The following CACNA1E variants were observed in gnomAD, a reference collection of about 807,000 sequenced individuals.
The protein encoded by CACNA1E is calcium voltage-gated channel subunit alpha1 E, also known as voltage-dependent R-type calcium channel subunit alpha-1E.
In CACNA1E, 40 loss-of-function variants were observed where a neutral mutation model predicts 259.2. The observed-to-expected ratio is 0.15, with a 90% CI of 0.12 to 0.20. The LOEUF is 0.20. Ranked by LOEUF, CACNA1E falls within the 10% of genes least tolerant of loss-of-function variation. The probability of loss-of-function intolerance (pLI) is 1.00; values close to 1 mark genes in which losing one functional copy is unlikely to be tolerated. For synonymous variants in CACNA1E, 1,104 were observed against 1,138.5 expected (o/e 0.97, Z 0.61); for missense variants, 1,874 against 3,040.1 (o/e 0.62, Z 9.02).
rs147945110 is a variant in CACNA1E at position 181,503,183 on chromosome 1, T to C, written c.267-7294T>C. ...TCTGGGTTTTAGGCACAAGGTCTTA[T>C]GTCTTCGGCATTACTCGTCCCTCCA... On this transcript the variant is annotated intron_variant, in intron 1 of 47. Transcript: ENST00000367573. 2.6e-4 allele frequency among the ~76,000 whole-genome samples: 39 copies of C among 152,368 alleles called. 1 individual carries two copies. Among genetic ancestry groups the C allele is most frequent in the East Asian group, 2.1e-3 (11 of 5,186 alleles).
intron 1 of CACNA1E, among the ~76,000 whole-genome samples, chr1:181,388,761 C>T (rs1027799004): frequency 3.9e-5 from 6 of 151,976 alleles, no homozygotes; most frequent in Non-Finnish European, 8.8e-5. Flanking sequence ...TGTGGTGGTG[C>T]ATGCCTGTAA....
At chr1:181,525,715 A>T (rs1407861906) in intron 3 of CACNA1E, among the ~76,000 whole-genome samples, 4 of 152,234 alleles carry the variant, frequency 2.6e-5, no homozygotes, top group Non-Finnish European at 1.5e-5. Flanking sequence ...TTAGTTATGA[A>T]CTGTGTGCAA....
chr1:181,697,401 T>C (rs577505901), intron 7 of CACNA1E, among the ~76,000 whole-genome samples: 28 of 152,340 alleles, frequency 1.8e-4, no homozygotes, highest in African/African-American at 6.3e-4. Flanking sequence ...ATCAGGTATT[T>C]TGTAGTTTTG....
chr1:181,444,459 A>C (rs1660688807), intron 2 of CACNA1E, among the ~76,000 whole-genome samples: 1 of 152,192 alleles, frequency 6.6e-6, no homozygotes, highest in South Asian at 2.1e-4. Flanking sequence ...AGGGGACATT[A>C]AAATTTGAAT....
At chr1:181,447,460 G>A (rs1034614065) in intron 2 of CACNA1E, among the ~76,000 whole-genome samples, 1 of 151,710 alleles carries the variant, frequency 6.6e-6, no homozygotes, top group Non-Finnish European at 1.5e-5. Flanking sequence ...GAGCCCAGGA[G>A]TTCAAGGCTG....
At chr1:181,578,910 T>G (rs1651243420) in intron 4 of CACNA1E, among the ~76,000 whole-genome samples, 162 bp from the exon 5 acceptor site, 1 of 152,252 alleles carries the variant, frequency 6.6e-6, no homozygotes, top group Non-Finnish European at 1.5e-5. Flanking sequence ...CTAGCAGAGC[T>G]GGGCCTAATT....
At chr1:181,565,782 G>C (rs572455277) in intron 3 of CACNA1E, among the ~76,000 whole-genome samples, 3 of 152,236 alleles carry the variant, frequency 2.0e-5, no homozygotes, top group African/African-American at 7.2e-5. Context: ...GCCACTTTTG[G>C]GGGTGTGGCT....
At chr1:181,766,684 A>C in intron 35 of CACNA1E, 73 bp downstream of exon 35, 1 of 1,110,730 alleles carries the variant, frequency 9.0e-7, no homozygotes, top group Non-Finnish European at 1.4e-6. Flanking sequence ...CAACCTAAGC[A>C]TGCAAGACCT....
At chr1:181,384,534 C>T (rs1170413873) in intron 1 of CACNA1E, among the ~76,000 whole-genome samples, 1 of 152,156 alleles carries the variant, frequency 6.6e-6, no homozygotes, top group Admixed American at 6.5e-5. Flanking sequence ...CATCATAGCT[C>T]ACTGTGTGAC....
chr1:181,351,826 C>T (rs1288331642), intron 1 of CACNA1E, among the ~76,000 whole-genome samples: 3 of 152,212 alleles, frequency 2.0e-5, no homozygotes, highest in Non-Finnish European at 4.4e-5. Flanking sequence ...ATAATCTCTC[C>T]ATCTCAAGAT....
intron 2 of CACNA1E, among the ~76,000 whole-genome samples, chr1:181,427,527 T>C: frequency 8.0e-6 from 1 of 125,188 alleles, no homozygotes; most frequent in Non-Finnish European, 1.7e-5. Context: ...CCTCAACTCC[T>C]CCTCCATCTC....
At chr1:181,697,612 A>G (rs2102356693) in intron 7 of CACNA1E, among the ~76,000 whole-genome samples, 1 of 152,344 alleles carries the variant, frequency 6.6e-6, no homozygotes, top group East Asian at 1.9e-4. Flanking sequence ...GTGTGTTTAT[A>G]CTTTTGTAAA....
chr1:181,358,963 T>C (rs1653654849), intron 1 of CACNA1E, among the ~76,000 whole-genome samples: 1 of 152,224 alleles, frequency 6.6e-6, no homozygotes, highest in African/African-American at 2.4e-5. Context: ...CCAGAAGGTT[T>C]ATTTGGTGCA....
intron 6 of CACNA1E, among the ~76,000 whole-genome samples, chr1:181,598,806 C>T (rs79696802): frequency 0.029 from 4,441 of 152,158 alleles, 99 homozygotes; most frequent in Non-Finnish European, 0.048. Context: ...ATAATCTGTC[C>T]CTGGACTGCT....
rs570266913 is a variant in CACNA1E at position 181,601,868 on chromosome 1, G to T, written c.951+21092G>T. Among the ~76,000 whole-genome samples the T allele has an allele frequency of 3.9e-5, 6 of 152,270 alleles. No homozygotes were observed. In the South Asian group the frequency reaches 1.0e-3, roughly 26 times the overall value. On this transcript the variant is annotated intron_variant, in intron 6 of 47. Transcript: ENST00000367573. ...GGGTCTACAGGGCCCTCCATGATCT[G>T]CTCTTCCACTCCCTTCTGCTTCTTG...
intron 1 of CACNA1E, among the ~76,000 whole-genome samples, chr1:181,410,818 G>A (rs1657791044): frequency 6.6e-6 from 1 of 152,222 alleles, no homozygotes; most frequent in Admixed American, 6.5e-5. Context: ...GATATGGTTA[G>A]ATCATTATAA....
chr1:181,486,433 A>G (rs941896990), intron 1 of CACNA1E, among the ~76,000 whole-genome samples: 1 of 152,222 alleles, frequency 6.6e-6, no homozygotes, highest in Non-Finnish European at 1.5e-5. Flanking sequence ...ACCACGTGGA[A>G]ACATTGGGCT....
intron 1 of CACNA1E, among the ~76,000 whole-genome samples, chr1:181,408,277 G>A (rs1271986370): frequency 6.6e-6 from 1 of 152,122 alleles, no homozygotes; most frequent in Non-Finnish European, 1.5e-5. Context: ...GGAATAGGAT[G>A]GGCATGCACC....
At chr1:181,576,858 A>G (rs1558145373) in intron 3 of CACNA1E, among the ~76,000 whole-genome samples, 1 of 152,190 alleles carries the variant, frequency 6.6e-6, no homozygotes, top group Non-Finnish European at 1.5e-5. Context: ...ATACCATGTC[A>G]TTTTATTTTT....
Sources: gnomAD v4.1 joint callset for allele counts (sites outside exome capture counted in the v4.1 genomes callset) on GRCh38, gnomAD v4.1.1 for gene constraint, MANE v1.5 for transcripts, NCBI Gene and HGNC (gene_info 2026-07-23, HGNC 2026-07-21) for gene names.